The following PTCHD4 variants were observed in gnomAD, a reference collection of about 807,000 sequenced individuals.
The protein encoded by PTCHD4 is patched domain containing 4.
Under a neutral mutation model 58.1 loss-of-function variants are expected in PTCHD4, and 33 were observed. The observed-to-expected ratio is 0.57, with a 90% CI of 0.43 to 0.76. The LOEUF is 0.76. Ranked by LOEUF, PTCHD4 falls within the 30% of genes least tolerant of loss-of-function variation. The pLI is 0.00. For missense variants in PTCHD4, 1,058 were observed against 1,027.1 expected (o/e 1.03, Z -0.41); for synonymous variants, 478 against 409.6 (o/e 1.17, Z -2.02).
chr6:48,091,456 A>G (rs1295935198), intron 1 of PTCHD4, among the ~76,000 whole-genome samples: 1 of 152,076 alleles, frequency 6.6e-6, no homozygotes, highest in East Asian at 1.9e-4. Context: ...TTCTTCAGGT[A>G]ATTCTGAAGC....
rs1763865057 is a variant in PTCHD4, at chr6:47,876,986, A to G, written c.*1317T>C. 6.6e-6 allele frequency among the ~76,000 whole-genome samples: 1 copy of G among 152,018 alleles called. No homozygotes were observed. The highest frequency in any genetic ancestry group is 2.4e-5 in the African/African-American group (1 of 41,418). On this transcript the variant is annotated 3_prime_UTR_variant, in exon 5 of 5. Coordinates refer to ENST00000339488, the MANE Select transcript of PTCHD4 (RefSeq NM_001384253.1). ...GCACTTTCCAGGTAACAAGAGCAAC[A>G]CTATTGTGAGAAGCTACAAATGGTA...
chr6:48,038,206 C>T (rs1763713239), intron 3 of PTCHD4, among the ~76,000 whole-genome samples: 1 of 149,740 alleles, frequency 6.7e-6, no homozygotes, highest in African/African-American at 2.4e-5. Flanking sequence ...TGTCTCCTGA[C>T]CGGGGTTAAT....
intron 3 of PTCHD4, among the ~76,000 whole-genome samples, chr6:48,014,184 A>T (rs943871860): frequency 6.6e-6 from 1 of 152,168 alleles, no homozygotes. Context: ...TGGAATTGAA[A>T]GCTCCATTAA....
intron 4 of PTCHD4, among the ~76,000 whole-genome samples, chr6:47,939,330 A>G (rs960068579): frequency 6.6e-6 from 1 of 152,118 alleles, no homozygotes; most frequent in Non-Finnish European, 1.5e-5. Flanking sequence ...CGTGGTATTG[A>G]TGTCTCTGGT....
intron 4 of PTCHD4, among the ~76,000 whole-genome samples, chr6:48,008,295 C>A (rs1235149438): frequency 6.6e-6 from 1 of 152,154 alleles, no homozygotes; most frequent in African/African-American, 2.4e-5. Flanking sequence ...TGAATATGGA[C>A]CACAAAATTT....
chr6:47,879,920 T>C lies in PTCHD4; in HGVS notation c.915A>G (p.Gly305=). Residue 305 remains glycine (G), a synonymous_variant, in exon 5 of 5, where the codon GGA becomes GGG. Transcript: ENST00000339488. ...PFFAMGHGTK[G]VFELLSGWRR... ...GCCATCCGGACAGAAGCTCAAACAC[T>C]CCTTTAGTTCCATGACCTAATGTTT... 1 of 1,544,990 alleles carries C rather than the reference T, an allele frequency of 6.5e-7. No individual in the cohort carries two copies. Among genetic ancestry groups the C allele is most frequent in the South Asian group, 1.2e-5 (1 of 82,246 alleles).
At chr6:47,907,327 A>G (rs1021880805) in intron 4 of PTCHD4, among the ~76,000 whole-genome samples, 17 of 152,204 alleles carry the variant, frequency 1.1e-4, no homozygotes, top group Admixed American at 2.6e-4. Flanking sequence ...TTTGTTAATG[A>G]TTATAATAAA....
At chr6:48,000,650 G>T (rs919273219) in intron 4 of PTCHD4, among the ~76,000 whole-genome samples, 2 of 152,112 alleles carry the variant, frequency 1.3e-5, no homozygotes, top group Non-Finnish European at 2.9e-5. Flanking sequence ...AAAGCTGAAG[G>T]CACAGAGGAG....
chr6:47,916,743 G>A (rs1403229659), intron 4 of PTCHD4, among the ~76,000 whole-genome samples: 1 of 152,058 alleles, frequency 6.6e-6, no homozygotes, highest in African/African-American at 2.4e-5. Context: ...AGTTGATAAT[G>A]GCTAATGGGC....
intron 4 of PTCHD4, among the ~76,000 whole-genome samples, chr6:47,898,105 C>T (rs1043689121): frequency 3.3e-5 from 5 of 151,324 alleles, no homozygotes; most frequent in African/African-American, 4.9e-5. Flanking sequence ...CCACCACACC[C>T]GGCTAATTTT....
At chr6:48,034,995 C>A (rs1763579946) in intron 3 of PTCHD4, among the ~76,000 whole-genome samples, 1 of 152,140 alleles carries the variant, frequency 6.6e-6, no homozygotes, top group African/African-American at 2.4e-5. Flanking sequence ...GGACATATTT[C>A]TCATAAGAGT....
intron 3 of PTCHD4, among the ~76,000 whole-genome samples, chr6:48,063,384 C>T (rs332568): frequency 1.3e-5 from 2 of 152,032 alleles, no homozygotes; most frequent in South Asian, 4.1e-4. Context: ...AACATTAGTA[C>T]TGGTATTTTG....
At chr6:48,085,289 A>G (rs1028586087) in intron 1 of PTCHD4, among the ~76,000 whole-genome samples, 3 of 152,178 alleles carry the variant, frequency 2.0e-5, no homozygotes, top group Non-Finnish European at 4.4e-5. Context: ...TCTGCTTCAT[A>G]CTTATTTTTA....
intron 4 of PTCHD4, among the ~76,000 whole-genome samples, chr6:47,948,930 C>T (rs6901235): frequency 0.97 from 148,470 of 152,344 alleles, 72,365 homozygotes; most frequent in East Asian, 1. Flanking sequence ...AAAACATTAT[C>T]GAGCATATAC....
At position 47,879,130 on chromosome 6, in the gene PTCHD4, T is replaced by G. The variant is rs769383827; in HGVS notation, c.1705A>C (p.Ile569Leu). 8 of 1,612,246 alleles carry G rather than the reference T, an allele frequency of 5.0e-6. No individual in the cohort carries two copies. Among genetic ancestry groups the G allele is most frequent in the Admixed American group, 1.7e-5 (1 of 59,880 alleles). Residue 569 changes from isoleucine (I) to leucine (L), a missense_variant, in exon 5 of 5, where the codon ATC becomes CTC. Coordinates refer to ENST00000339488, the MANE Select transcript of PTCHD4 (RefSeq NM_001384253.1). The part of the protein sequence containing the change: ...NVSANNKSDF[I>L]SVLQSSFLKK... ...AAAAATGAGCTTTGCAGGACACTGA[T>G]GAAGTCACTTTTGTTATTGGCACTG...
chr6:47,926,729 A>G (rs1765633276), intron 4 of PTCHD4, among the ~76,000 whole-genome samples: 1 of 152,236 alleles, frequency 6.6e-6, no homozygotes, highest in Non-Finnish European at 1.5e-5. Context: ...AGTTTCAGCT[A>G]CATTACTAAT....
intron 3 of PTCHD4, among the ~76,000 whole-genome samples, chr6:48,040,482 AAT>A (rs1431068082): frequency 6.6e-6 from 1 of 151,920 alleles, no homozygotes; most frequent in East Asian, 1.9e-4. Context: ...GAAAAAAAAA[AAT>A]GTCTGGTGCA....
chr6:48,000,274 G>A (rs1315981862), intron 4 of PTCHD4, among the ~76,000 whole-genome samples: 1 of 152,140 alleles, frequency 6.6e-6, no homozygotes, highest in African/African-American at 2.4e-5. Flanking sequence ...GCATAGTCTA[G>A]TCTAGCTGAC....
chr6:48,088,057 A>C (rs1191248086), intron 1 of PTCHD4, among the ~76,000 whole-genome samples: 1 of 152,188 alleles, frequency 6.6e-6, no homozygotes, highest in Non-Finnish European at 1.5e-5. Context: ...AATCAAAATA[A>C]AATTTTAAGT....
Sources: allele counts gnomAD v4.1 joint callset (sites outside exome capture counted in the v4.1 genomes callset), GRCh38; gene constraint gnomAD v4.1.1; transcripts MANE v1.5; gene names NCBI Gene and HGNC (gene_info 2026-07-23, HGNC 2026-07-21).